SENP8: variants seen among roughly 807,000 people sequenced by gnomAD.
The protein encoded by SENP8 is SUMO peptidase family member, NEDD8 specific.
Under a neutral mutation model 14.4 loss-of-function variants are expected in SENP8, and 10 were observed. That is an observed-to-expected ratio of 0.69 (90% CI 0.43 to 1.18). The LOEUF (loss-of-function observed/expected upper bound fraction) is 1.18, where lower values mean the gene tolerates loss of function less well. SENP8 is among the 50% of genes most tolerant of loss of function. The pLI is 0.00. For synonymous variants in SENP8, 94 were observed against 95.5 expected (o/e 0.98, Z 0.09); for missense variants, 202 against 249.4 (o/e 0.81, Z 1.28).
chr15:72,132,840 T>G (rs2081288279), intron 1 of SENP8, among the ~76,000 whole-genome samples: 1 of 152,094 alleles, frequency 6.6e-6, no homozygotes, highest in South Asian at 2.1e-4. Flanking sequence ...TCATTTCTCC[T>G]GCTTTAGGTC....
chr15:72,117,975 G>A, upstream of SENP8: 1 of 400,634 alleles, frequency 2.5e-6, no homozygotes, highest in Non-Finnish European at 4.4e-6. Context: ...CGCCTCTGCC[G>A]GTGCAACTAC....
At chr15:72,128,108 A>G (rs569729664) in intron 1 of SENP8, among the ~76,000 whole-genome samples, 48 of 149,760 alleles carry the variant, frequency 3.2e-4, no homozygotes, top group African/African-American at 1.1e-3. Flanking sequence ...GAGAGAGGGA[A>G]AGGGGAGAGG....
At chr15:72,122,508 C>T (rs61109283) in intron 1 of SENP8, among the ~76,000 whole-genome samples, 3,470 of 152,286 alleles carry the variant, frequency 0.023, 128 homozygotes, top group African/African-American at 0.081. Flanking sequence ...TAAATGTATT[C>T]TAAAAAATTG....
chr15:72,126,787 ACTCT>A (rs776714829), intron 1 of SENP8, among the ~76,000 whole-genome samples: 12 of 152,106 alleles, frequency 7.9e-5, no homozygotes, highest in East Asian at 1.9e-4. Context: ...ATGAGAACAG[ACTCT>A]CTCATTGATT....
rs769320910 is a variant in SENP8, at chr15:72,139,856, T to C, written c.233T>C (p.Leu78Pro). The C allele has an allele frequency of 6.2e-7, 1 of 1,614,244 alleles. No individual in the cohort carries two copies. Among genetic ancestry groups the C allele is most frequent in the East Asian group, 2.2e-5 (1 of 44,886 alleles). ...PAEIAMFLEP[L>P]DLPNKRVVFL... The stretch of plus-strand genomic sequence containing the variant: ...GAGATTGCCATGTTCCTTGAACCAC[T>C]GGACCTCCCCAACAAGAGAGTTGTA... The change falls in exon 2 of 2, where the codon CTG (leucine) becomes CCG (proline). Residue 78 changes from leucine to proline, a missense_variant. Transcript: ENST00000340912.
chr15:72,126,341 G>A (rs779389562), intron 1 of SENP8, among the ~76,000 whole-genome samples: 4 of 152,058 alleles, frequency 2.6e-5, no homozygotes, highest in Admixed American at 6.6e-5. Context: ...GAAAATTTCC[G>A]GGCCAGGCAC....
chr15:72,117,503 G>A (rs1414612162), upstream of SENP8, among the ~76,000 whole-genome samples: 1 of 152,114 alleles, frequency 6.6e-6, no homozygotes, highest in East Asian at 1.9e-4. Context: ...GATACAGGGG[G>A]TGGGGTCTAC....
At chr15:72,116,125 G>A (rs770290482), upstream of SENP8, among the ~76,000 whole-genome samples, 1 of 152,234 alleles carries the variant, frequency 6.6e-6, no homozygotes, top group Non-Finnish European at 1.5e-5. Context: ...GGATACACAT[G>A]AAGCTGGAAA....
chr15:72,119,117 G>A (rs1163918954), intron 1 of SENP8, among the ~76,000 whole-genome samples: 1 of 152,148 alleles, frequency 6.6e-6, no homozygotes, highest in Non-Finnish European at 1.5e-5. Context: ...AGAGAAATGA[G>A]GAACGAGAAT....
chr15:72,129,702 G>C (rs1567068034), intron 1 of SENP8, among the ~76,000 whole-genome samples: 2 of 150,722 alleles, frequency 1.3e-5, no homozygotes, highest in Admixed American at 6.6e-5. Context: ...AATTAGCCAG[G>C]TGTGGTGGGA....
At chr15:72,115,849 TATAA>T (rs34246640), upstream of SENP8, among the ~76,000 whole-genome samples, 2,043 of 152,240 alleles carry the variant, frequency 0.013, 19 homozygotes, top group East Asian at 0.025. Flanking sequence ...TAAACATACA[TATAA>T]CATCAGACAC....
chr15:72,118,435 G>A lies in SENP8; in HGVS notation c.-77G>A, dbSNP rs923374105. The stretch of plus-strand genomic sequence containing the variant: ...TCCGGCCAACACAGAGGTGCCTGAA[G>A]GCTGGTTGGGGTGGTGAGGCCCGAG... On this transcript the variant is annotated 5_prime_UTR_variant, in exon 1 of 2. Coordinates refer to ENST00000340912, the MANE Select transcript of SENP8 (RefSeq NM_145204.4). 6.5e-6 allele frequency: 1 copy of A among 153,432 alleles called. No homozygotes were observed. The highest frequency in any genetic ancestry group is 1.5e-5 in the Non-Finnish European group (1 of 68,936). The allele number at this position is 153,432 out of a possible 1,614,324, so 9.5% of individuals were successfully genotyped here. A position where few individuals can be genotyped will look rare whatever the true frequency, so the allele number is the denominator to read the frequency against.
At chr15:72,135,005 C>T in intron 1 of SENP8, 1 of 324,728 alleles carries the variant, frequency 3.1e-6, no homozygotes, top group Non-Finnish European at 6.0e-6. Context: ...GAGAAAAGAG[C>T]CTGGGTTCAC....
rs2081385240 is a variant in SENP8 at position 72,142,186 on chromosome 15, T to C, written c.*1924T>C. On this transcript the variant is annotated 3_prime_UTR_variant, in exon 2 of 2. Transcript: ENST00000340912. ...CGTATAGACATGTATATGTAATCTA[T>C]CTACATATATATAAAAAATGCATTT... 1 of 152,096 alleles carries C rather than the reference T, an allele frequency of 6.6e-6. No individual in the cohort carries two copies. Among genetic ancestry groups the C allele is most frequent in the Non-Finnish European group, 1.5e-5 (1 of 68,018 alleles). 9.4% of individuals were successfully genotyped at this position (152,096 alleles called of 1,614,324 possible). A position where few individuals can be genotyped will look rare whatever the true frequency, so the allele number is the denominator to read the frequency against.
chr15:72,135,070 GT>G (rs1281716134), intron 1 of SENP8: 2 of 287,444 alleles, frequency 7.0e-6, no homozygotes, highest in Non-Finnish European at 1.4e-5. Flanking sequence ...TTTGTTTTTT[GT>G]TTGTTTTTGA....
chr15:72,114,261 T>TA (rs1431601004), upstream of SENP8: 3 of 152,134 alleles, frequency 2.0e-5, no homozygotes. Context: ...TTAGAATACT[T>TA]ACTCCAACAG....
chr15:72,135,573 A>G (rs1479505052), intron 1 of SENP8: 1 of 152,230 alleles, frequency 6.6e-6, no homozygotes, highest in Non-Finnish European at 1.5e-5. Flanking sequence ...AAGTCTTCAA[A>G]TACGAAGTTT....
intron 1 of SENP8, among the ~76,000 whole-genome samples, chr15:72,132,624 A>G (rs1277084510): frequency 1.4e-5 from 2 of 147,816 alleles, no homozygotes; most frequent in Admixed American, 1.4e-4. Flanking sequence ...ACTCACCCCC[A>G]ACTGAAACCT....
intron 1 of SENP8, among the ~76,000 whole-genome samples, chr15:72,119,784 CAG>C: frequency 6.6e-6 from 1 of 152,254 alleles, no homozygotes; most frequent in Non-Finnish European, 1.5e-5. Flanking sequence ...CATTTAACTA[CAG>C]AGAGGCTTGG....
Sources: gnomAD v4.1 joint callset for allele counts (sites outside exome capture counted in the v4.1 genomes callset) on GRCh38, gnomAD v4.1.1 for gene constraint, MANE v1.5 for transcripts, NCBI Gene and HGNC (gene_info 2026-07-23, HGNC 2026-07-21) for gene names.